Variants in SHISA9 observed in about 807,000 individuals in gnomAD.
SHISA9 encodes the protein protein shisa-9.
A neutral mutation model predicts 38.0 loss-of-function variants in SHISA9; 13 were observed. That is an observed-to-expected ratio of 0.34 (90% confidence interval 0.22 to 0.54). SHISA9 has a LOEUF of 0.54. SHISA9 is among the 20% of genes least tolerant of loss of function. SHISA9 has a pLI of 0.91. For missense variants in SHISA9, 538 were observed against 575.8 expected, an observed-to-expected ratio of 0.93 and a Z score of 0.67; for synonymous variants, 275 against 242.0, an observed-to-expected ratio of 1.14 and a Z score of -1.27.
chr16:13,450,009 C>T, the SHISA9 span, among the ~76,000 whole-genome samples: 596 of 152,052 alleles, frequency 3.9e-3, 6 homozygotes, highest in African/African-American at 0.013. Flanking sequence ...CCCAGCTACT[C>T]GGGAGGCTGA....
At chr16:13,215,728 G>T (rs754028537) in intron 4 of SHISA9, among the ~76,000 whole-genome samples, 31 of 152,266 alleles carry the variant, frequency 2.0e-4, no homozygotes, top group Non-Finnish European at 3.4e-4. Flanking sequence ...GCCTTGTCGG[G>T]GGAGAGGAAA....
intron 4 of SHISA9, among the ~76,000 whole-genome samples, chr16:13,215,676 C>T (rs574228527): frequency 6.6e-6 from 1 of 152,296 alleles, no homozygotes; most frequent in African/African-American, 2.4e-5. Context: ...TCTACCCAAA[C>T]CAAGCTAACT....
the SHISA9 span, among the ~76,000 whole-genome samples, chr16:13,529,610 T>A: frequency 6.6e-6 from 1 of 152,238 alleles, no homozygotes; most frequent in African/African-American, 2.4e-5. Flanking sequence ...GTTTGTGTTT[T>A]CCCTGGGCTG....
chr16:13,090,732 C>G (rs1306554112), intron 2 of SHISA9, among the ~76,000 whole-genome samples: 1 of 152,210 alleles, frequency 6.6e-6, no homozygotes, highest in African/African-American at 2.4e-5. Context: ...ATACAGCACA[C>G]AGATGGGTCT....
rs372254153 is a variant in SHISA9, at chr16:13,076,457, G to A, written c.692-126937G>A. On this transcript the variant is annotated intron_variant, in intron 2 of 4. Transcript: ENST00000558583. ...TACTTCTTTACCTATGCACTTTTTA[G>A]TTAGCCCACTTCCCCCTGCTCCCTC... 6.6e-5 allele frequency among the ~76,000 whole-genome samples: 10 copies of A among 152,264 alleles called. No individual in the cohort carries two copies. In the South Asian group the frequency reaches 1.0e-3, roughly 16 times the overall value.
chr16:13,555,414 A>C, the SHISA9 span, among the ~76,000 whole-genome samples: 1 of 152,206 alleles, frequency 6.6e-6, no homozygotes, highest in Non-Finnish European at 1.5e-5. Context: ...GAAAGACAGC[A>C]CATTCTTCCA....
chr16:13,528,919 C>T, the SHISA9 span, among the ~76,000 whole-genome samples: 3 of 152,194 alleles, frequency 2.0e-5, no homozygotes, highest in African/African-American at 7.2e-5. Context: ...GCAAGTTCCA[C>T]TTCTGATTTG....
chr16:13,397,297 G>T, the SHISA9 span, among the ~76,000 whole-genome samples: 2 of 152,206 alleles, frequency 1.3e-5, no homozygotes, highest in African/African-American at 2.4e-5. Flanking sequence ...GTGCCCTGCT[G>T]CTGAAACCCC....
chr16:13,161,412 T>A (rs773015375), intron 2 of SHISA9, among the ~76,000 whole-genome samples: 4 of 152,186 alleles, frequency 2.6e-5, no homozygotes, highest in Non-Finnish European at 1.5e-5. Context: ...GAGCAACTTC[T>A]CTGAACCTAT....
At chr16:12,987,797 C>T (rs2141829301) in intron 2 of SHISA9, among the ~76,000 whole-genome samples, 1 of 152,296 alleles carries the variant, frequency 6.6e-6, no homozygotes, top group African/African-American at 2.4e-5. Context: ...TTGTTGAGTA[C>T]TGGCTAGGTG....
the SHISA9 span, among the ~76,000 whole-genome samples, chr16:13,376,413 A>C: frequency 1.3e-5 from 2 of 152,188 alleles, no homozygotes; most frequent in African/African-American, 4.8e-5. Context: ...ATATGACTAC[A>C]TGCTTCTCAG....
In SHISA9 at chr16:13,052,121, T is replaced by C. The variant is rs576277648; in HGVS notation, c.691+135306T>C. Among the ~76,000 whole-genome samples, 4 of 152,168 alleles carry C rather than the reference T, an allele frequency of 2.6e-5. No individual in the cohort carries two copies. In the East Asian group the frequency reaches 7.7e-4, roughly 29 times the overall value. On this transcript the variant is annotated intron_variant, in intron 2 of 4. Coordinates refer to ENST00000558583, the MANE Select transcript of SHISA9 (RefSeq NM_001145204.3). ...AAGTCTTAAATCCCCAAAGGAGAAA[T>C]GAGTAAATCTAGTTTACGGTAGAAA...
intron 2 of SHISA9, among the ~76,000 whole-genome samples, chr16:13,164,429 T>G (rs964012211): frequency 6.6e-6 from 1 of 152,114 alleles, no homozygotes; most frequent in African/African-American, 2.4e-5. Flanking sequence ...TGATGGACAT[T>G]GGTCTGTAGT....
intron 2 of SHISA9, among the ~76,000 whole-genome samples, chr16:12,999,302 T>C (rs1596574185): frequency 6.6e-6 from 1 of 152,262 alleles, no homozygotes; most frequent in African/African-American, 2.4e-5. Context: ...AGGACACTTG[T>C]TTACAGTTTG....
the SHISA9 span, among the ~76,000 whole-genome samples, chr16:13,335,803 C>A: frequency 8.1e-4 from 124 of 152,272 alleles, 1 homozygote; most frequent in African/African-American, 2.9e-3. Flanking sequence ...TGAAGGCATC[C>A]TGGTTCCTTA....
the SHISA9 span, among the ~76,000 whole-genome samples, chr16:13,413,013 G>C: frequency 7.5e-4 from 114 of 152,006 alleles, no homozygotes; most frequent in Non-Finnish European, 1.4e-3. Context: ...GAATAAAATG[G>C]TATAACAGAA....
intron 2 of SHISA9, among the ~76,000 whole-genome samples, chr16:13,156,098 T>C (rs1405273003): frequency 2.0e-5 from 3 of 152,238 alleles, no homozygotes; most frequent in African/African-American, 7.2e-5. Context: ...TGTCTTTTAA[T>C]TCACTGTTAC....
chr16:13,295,424 C>G, the SHISA9 span, among the ~76,000 whole-genome samples: 1 of 152,146 alleles, frequency 6.6e-6, no homozygotes, highest in African/African-American at 2.4e-5. Context: ...CTTCAAAAAT[C>G]AATTCTCAAA....
intron 2 of SHISA9, among the ~76,000 whole-genome samples, chr16:13,140,112 T>G: frequency 2.9e-5 from 1 of 34,500 alleles, no homozygotes; most frequent in East Asian, 1.3e-3. Flanking sequence ...TTCCCTTCCC[T>G]TCCCTTCCCT....
Sources: gnomAD v4.1 joint callset for allele counts (sites outside exome capture counted in the v4.1 genomes callset) on GRCh38, gnomAD v4.1.1 for gene constraint, MANE v1.5 for transcripts, NCBI Gene and HGNC (gene_info 2026-07-23, HGNC 2026-07-21) for gene names.